Variants in TBC1D32 observed in about 807,000 individuals in gnomAD.
TBC1D32 encodes the protein protein broad-minded.
In TBC1D32, 151 loss-of-function variants were observed where a neutral mutation model predicts 170.3. That is an observed-to-expected ratio of 0.89 (90% CI 0.78 to 1.01). The LOEUF is 1.01. Among genes scored for constraint, TBC1D32 ranks in the 50% least tolerant of loss-of-function variants. The probability of loss-of-function intolerance (pLI) is 0.00; values close to 1 mark genes in which losing one functional copy is unlikely to be tolerated. For synonymous variants in TBC1D32, 498 were observed against 488.0 expected, an observed-to-expected ratio of 1.02 and a Z score of -0.27; for missense variants, 1,464 against 1,457.1, an observed-to-expected ratio of 1.00 and a Z score of -0.08.
chr6:121,140,552 A>G (rs973885324), intron 24 of TBC1D32, among the ~76,000 whole-genome samples: 2 of 152,080 alleles, frequency 1.3e-5, no homozygotes, highest in Admixed American at 6.5e-5. Context: ...TTGAAAAAGA[A>G]TATTTTACCA....
intron 30 of TBC1D32, among the ~76,000 whole-genome samples, chr6:121,094,916 A>T (rs1437041803): frequency 6.6e-6 from 1 of 150,958 alleles, no homozygotes; most frequent in Non-Finnish European, 1.5e-5. Context: ...TCTACAAATG[A>T]GTCTGCTGTG....
intron 24 of TBC1D32, among the ~76,000 whole-genome samples, chr6:121,150,588 C>T (rs1784088600): frequency 6.6e-6 from 1 of 152,124 alleles, no homozygotes; most frequent in African/African-American, 2.4e-5. Flanking sequence ...GTACCAGCTC[C>T]TCTTTGTACC....
At chr6:121,123,451 C>A (rs113641976) in intron 26 of TBC1D32, among the ~76,000 whole-genome samples, 1 of 151,942 alleles carries the variant, frequency 6.6e-6, no homozygotes, top group Non-Finnish European at 1.5e-5. Context: ...ACTGTTATAT[C>A]CTCTCACTGA....
intron 2 of TBC1D32, among the ~76,000 whole-genome samples, chr6:121,320,995 G>A (rs966987012): frequency 6.6e-6 from 1 of 152,148 alleles, no homozygotes; most frequent in Non-Finnish European, 1.5e-5. Context: ...TGAGATGCCA[G>A]GCAGGATAGG....
intron 24 of TBC1D32, 69 bp from the exon 25 acceptor site, chr6:121,131,821 C>CAT: frequency 7.9e-7 from 1 of 1,272,716 alleles, no homozygotes; most frequent in Non-Finnish European, 1.1e-6. Flanking sequence ...TTAATGTTAA[C>CAT]TATGTAAACA....
Position 121,090,845 on chromosome 6 carries a change from A to C in TBC1D32, c.3654+8T>G. On this transcript the variant is annotated splice_region_variant and intron_variant, in intron 31 of 31. Transcript: ENST00000398212. ...TCAACATTTTCCTCTCCATATAAAC[A>C]TACTTACTTTTAGGAAAACTTGCAG... 1 of 1,606,640 alleles carries C rather than the reference A, an allele frequency of 6.2e-7. No homozygotes were observed. The highest frequency in any genetic ancestry group is 8.5e-7 in the Non-Finnish European group (1 of 1,178,034).
chr6:121,113,312 A>C (rs1779376922), intron 27 of TBC1D32, 135 bp from the exon 28 acceptor site: 5 of 532,066 alleles, frequency 9.4e-6, no homozygotes, highest in Non-Finnish European at 1.3e-5. Flanking sequence ...TCTGATGATT[A>C]TGATATATTT....
intron 24 of TBC1D32, among the ~76,000 whole-genome samples, chr6:121,148,199 T>C (rs1191769218): frequency 1.3e-5 from 2 of 152,036 alleles, no homozygotes; most frequent in East Asian, 3.9e-4. Flanking sequence ...TATGTTCTCA[T>C]TGTTCAATTC....
intron 15 of TBC1D32, 27 bp from the exon 16 acceptor site, chr6:121,256,312 C>G: frequency 6.4e-7 from 1 of 1,568,140 alleles, no homozygotes; most frequent in Non-Finnish European, 8.7e-7. Context: ...GAAAGTGATT[C>G]CAAGGTTATA....
chr6:121,123,282 T>C (rs901732194), intron 26 of TBC1D32, among the ~76,000 whole-genome samples: 1 of 152,108 alleles, frequency 6.6e-6, no homozygotes, highest in African/African-American at 2.4e-5. Context: ...TCAGCATCTA[T>C]TGAAATGATT....
In TBC1D32 at chr6:121,240,182, C is replaced by G. The variant is rs184106343; in HGVS notation, c.2246-994G>C. On this transcript the variant is annotated intron_variant, in intron 19 of 31. Coordinates refer to ENST00000398212, the MANE Select transcript of TBC1D32 (RefSeq NM_152730.6). Reference sequence around the variant, plus strand: ...TTCTGTCCTTTGAAAACTACACTTACCCCTCTCATGAAAAGTTTGAGACTC... The same window carrying G: ...TTCTGTCCTTTGAAAACTACACTTAGCCCTCTCATGAAAAGTTTGAGACTC... Among the ~76,000 whole-genome samples, 36 of 152,134 alleles carry G rather than the reference C, an allele frequency of 2.4e-4. No homozygotes were observed. The East Asian group carries it at 6.2e-3, about 26-fold the overall frequency.
At position 121,281,605 on chromosome 6, in the gene TBC1D32, T is replaced by C. The variant is rs137979053; in HGVS notation, c.1547A>G (p.Tyr516Cys). The change falls in exon 14 of 32, where the codon TAT (tyrosine) becomes TGT (cysteine). Residue 516 changes from tyrosine (Y) to cysteine (C), a missense_variant. Physicochemically the swap from Tyr to Cys is radical, Grantham distance 194. Around this residue, in one of 3 missense-constraint regions of TBC1D32, gnomAD observed 1,363 missense variants for 1,338.1 expected, o/e 1.02. Coordinates refer to ENST00000398212, the MANE Select transcript of TBC1D32 (RefSeq NM_152730.6). Reference protein sequence around the residue: ...DQKECAVECLYNNIVIETLLQ... With the variant: ...DQKECAVECLCNNIVIETLLQ... ...AAGTGTCTCTATTACAATGTTGTTATATAAGCATTCCACTGCACATTCTTT... is the reference window on the plus strand; with the variant it reads ...AAGTGTCTCTATTACAATGTTGTTACATAAGCATTCCACTGCACATTCTTT... 12 of 1,608,258 alleles carry C rather than the reference T, an allele frequency of 7.5e-6. No individual in the cohort carries two copies. In the East Asian group the frequency reaches 9.0e-5, roughly 12 times the overall value.
At position 121,222,799 on chromosome 6, in the gene TBC1D32, T is replaced by A. The variant is rs760166267; in HGVS notation, c.2481+437A>T. Among the ~76,000 whole-genome samples the A allele has an allele frequency of 2.0e-4, 30 of 152,330 alleles. 1 individual carries two copies. Among genetic ancestry groups the A allele is most frequent in the South Asian group, 1.0e-3 (5 of 4,830 alleles). ...AGTACAACATAGTTCTCAAATTAAATAAATTTGTATATACTGCCCTCATGG... is the reference window on the plus strand; with the variant it reads ...AGTACAACATAGTTCTCAAATTAAAAAAATTTGTATATACTGCCCTCATGG... On this transcript the variant is annotated intron_variant, in intron 21 of 31. Transcript: ENST00000398212.
Position 121,190,427 on chromosome 6 carries a change from C to G in TBC1D32, c.2570+14648G>C, listed in dbSNP as rs951608735. 2.4e-4 allele frequency among the ~76,000 whole-genome samples: 35 copies of G among 147,986 alleles called. 1 individual carries two copies. The highest frequency in any genetic ancestry group is 4.6e-4 in the Non-Finnish European group (31 of 67,004). On this transcript the variant is annotated intron_variant, in intron 22 of 31. Coordinates refer to ENST00000398212, the MANE Select transcript of TBC1D32 (RefSeq NM_152730.6). Reference sequence around the variant, plus strand: ...CCACACACATCCACTCTCTCTACCCCCCTACACACCCACTCTCTCTACCTC... The same window carrying G: ...CCACACACATCCACTCTCTCTACCCGCCTACACACCCACTCTCTCTACCTC...
intron 17 of TBC1D32, among the ~76,000 whole-genome samples, chr6:121,252,257 T>C (rs145845104): frequency 8.5e-5 from 13 of 152,308 alleles, no homozygotes; most frequent in African/African-American, 2.4e-4. Context: ...CATTCTACTA[T>C]AAAGACACAT....
At chr6:121,174,684 C>A (rs1787514984) in intron 22 of TBC1D32, among the ~76,000 whole-genome samples, 1 of 151,918 alleles carries the variant, frequency 6.6e-6, no homozygotes, top group South Asian at 2.1e-4. Context: ...AATGACAAAG[C>A]AAAAGAAAGT....
intron 31 of TBC1D32, among the ~76,000 whole-genome samples, chr6:121,086,802 C>T (rs908321990): frequency 6.6e-6 from 1 of 152,154 alleles, no homozygotes; most frequent in East Asian, 1.9e-4. Context: ...ACACAGCTCA[C>T]TAAAACACTA....
At position 121,160,145 on chromosome 6, in the gene TBC1D32, A is replaced by G. The variant is rs771732812; in HGVS notation, c.2680-42T>C. ...ACAGATGACTTTAGGAAGTGGTCTA[A>G]AATAATATTGAATTTTAAAGCTATC... On this transcript the variant is annotated intron_variant, in intron 23 of 31. Transcript: ENST00000398212. The G allele has an allele frequency of 2.4e-6, 3 of 1,225,290 alleles. No individual in the cohort carries two copies. The Admixed American group carries it at 5.8e-5, about 24-fold the overall frequency. 75.9% of individuals were successfully genotyped at this position (1,225,290 alleles called of 1,614,324 possible).
chr6:121,184,265 C>G (rs752826697), intron 22 of TBC1D32, among the ~76,000 whole-genome samples: 2 of 151,932 alleles, frequency 1.3e-5, no homozygotes, highest in Non-Finnish European at 2.9e-5. Flanking sequence ...ATAATATTAA[C>G]TGGACTTAGG....
Sources: gnomAD v4.1 joint callset for allele counts (sites outside exome capture counted in the v4.1 genomes callset) on GRCh38, gnomAD v4.1.1 for gene constraint, gnomAD v4.1.1 regional missense constraint, MANE v1.5 for transcripts, NCBI Gene and HGNC (gene_info 2026-07-23, HGNC 2026-07-21) for gene names.